SLC48A1: variants seen among roughly 807,000 people sequenced by gnomAD.
The protein encoded by SLC48A1 is heme transporter HRG1.
Under a neutral mutation model 14.8 loss-of-function variants are expected in SLC48A1, and 6 were observed. The ratio of observed to expected loss-of-function variants is 0.41; its 90% CI spans 0.22 to 0.80. The LOEUF is 0.80. SLC48A1 is among the 30% of genes least tolerant of loss of function. The pLI, the probability that SLC48A1 is intolerant of heterozygous loss-of-function variation, is 0.34. For missense variants in SLC48A1, 165 were observed against 204.8 expected (o/e 0.81, Z 1.19); for synonymous variants, 89 against 90.0 (o/e 0.99, Z 0.06).
At chr12:47,758,305 C>T, upstream of SLC48A1, 1 of 1,432,512 alleles carries the variant, frequency 7.0e-7, no homozygotes. Context: ...AAGATCAGGC[C>T]CTTCTTAGTC....
intron 1 of SLC48A1, chr12:47,758,730 C>T: frequency 7.4e-7 from 1 of 1,345,582 alleles, no homozygotes; most frequent in Non-Finnish European, 9.6e-7. Flanking sequence ...GGATGCAGGG[C>T]TCGGTGGAGA....
At chr12:47,757,081 C>T (rs1021277571), upstream of SLC48A1, among the ~76,000 whole-genome samples, 1 of 152,132 alleles carries the variant, frequency 6.6e-6, no homozygotes, top group Non-Finnish European at 1.5e-5. Flanking sequence ...ATTGCTTGGG[C>T]CTAGGAGTTC....
intron 1 of SLC48A1, chr12:47,758,953 G>C (rs1378001571): frequency 9.8e-7 from 1 of 1,016,642 alleles, no homozygotes; most frequent in Non-Finnish European, 1.2e-6. Flanking sequence ...GACTGGCGGA[G>C]GGGGCGGGGT....
chr12:47,758,690 T>G, intron 1 of SLC48A1: 5 of 1,371,572 alleles, frequency 3.6e-6, no homozygotes, highest in East Asian at 3.1e-5. Context: ...ACTGGGCCAG[T>G]GCCTAGCTGG....
chr12:47,781,858 G>C lies in SLC48A1; in HGVS notation c.*1577G>C, dbSNP rs1209534194. The C allele has an allele frequency of 1.3e-5, 2 of 152,602 alleles. No individual in the cohort carries two copies. The highest frequency in any genetic ancestry group is 4.8e-5 in the African/African-American group (2 of 41,434). 9.5% of individuals were successfully genotyped at this position (152,602 alleles called of 1,614,324 possible). A position where few individuals can be genotyped will look rare whatever the true frequency, so the allele number is the denominator to read the frequency against. On this transcript the variant is annotated 3_prime_UTR_variant, in exon 3 of 3. Coordinates refer to ENST00000442218, the MANE Select transcript of SLC48A1 (RefSeq NM_017842.3). ...TGGGGCTGCAGGCCCTCTTGCCTTG[G>C]CCCTCCTGGCATGGGGTAACCACCA...
At chr12:47,774,560 A>G (rs895092939) in intron 1 of SLC48A1, among the ~76,000 whole-genome samples, 4 of 152,218 alleles carry the variant, frequency 2.6e-5, no homozygotes, top group African/African-American at 9.7e-5. Flanking sequence ...TCCTCGGCCA[A>G]AAGAACCCTA....
intron 2 of SLC48A1, among the ~76,000 whole-genome samples, chr12:47,762,547 C>A (rs1333899963): frequency 1.3e-5 from 2 of 152,252 alleles, no homozygotes; most frequent in African/African-American, 2.4e-5. Flanking sequence ...ATCCCCACTG[C>A]AACTGTTCTA....
chr12:47,765,181 A>G (rs1942489746), intron 2 of SLC48A1, among the ~76,000 whole-genome samples: 1 of 151,648 alleles, frequency 6.6e-6, no homozygotes, highest in Non-Finnish European at 1.5e-5. Context: ...AGAGAGAGAA[A>G]CAGAAAAGTG....
upstream of SLC48A1, among the ~76,000 whole-genome samples, chr12:47,770,698 T>A (rs571417570): frequency 1.2e-4 from 18 of 152,342 alleles, no homozygotes; most frequent in South Asian, 2.7e-3. Context: ...CTGGCCATAG[T>A]TCTAAAACAC....
chr12:47,779,832 T>G (rs914855677), intron 2 of SLC48A1, among the ~76,000 whole-genome samples: 1 of 152,178 alleles, frequency 6.6e-6, no homozygotes, highest in Non-Finnish European at 1.5e-5. Context: ...GCAAACCCTG[T>G]TGTGAGGCGC....
intron 2 of SLC48A1, chr12:47,760,507 T>A (rs1592593118): frequency 1.5e-6 from 1 of 656,224 alleles, no homozygotes; most frequent in Non-Finnish European, 1.9e-6. Context: ...AGACTGGCAG[T>A]TGGGTCACAA....
upstream of SLC48A1, among the ~76,000 whole-genome samples, chr12:47,757,523 C>T (rs1461624799): frequency 2.0e-5 from 3 of 152,186 alleles, no homozygotes; most frequent in African/African-American, 7.2e-5. Context: ...AACCCATTGA[C>T]CCGGCCCCCA....
At chr12:47,779,393 AT>A (rs1246221795) in intron 2 of SLC48A1, among the ~76,000 whole-genome samples, 198 bp downstream of exon 2, 1 of 152,184 alleles carries the variant, frequency 6.6e-6, no homozygotes, top group East Asian at 1.9e-4. Context: ...TATGAAACTG[AT>A]GTGAAGTCTT....
chr12:47,776,060 C>G (rs904185574), intron 1 of SLC48A1, among the ~76,000 whole-genome samples: 6 of 152,208 alleles, frequency 3.9e-5, no homozygotes, highest in African/African-American at 1.4e-4. Context: ...GAGCTGTGAG[C>G]AAGAGCCCTG....
upstream of SLC48A1, chr12:47,758,490 G>T (rs1942238262): frequency 6.3e-7 from 1 of 1,589,528 alleles, no homozygotes; most frequent in East Asian, 2.2e-5. Flanking sequence ...ACTCCCCACC[G>T]TGTCAGCTTC....
upstream of SLC48A1, chr12:47,757,973 C>A (rs1289040772): frequency 2.6e-6 from 4 of 1,565,176 alleles, no homozygotes; most frequent in Non-Finnish European, 3.5e-6. Context: ...AGTAGTGTCC[C>A]CTCCGGCACC....
In SLC48A1 at chr12:47,782,077, T is replaced by A. The variant is rs1234759369; in HGVS notation, c.*1796T>A. 1.3e-5 allele frequency: 2 copies of A among 152,410 alleles called. No homozygotes were observed. The highest frequency in any genetic ancestry group is 3.9e-4 in the East Asian group (2 of 5,180). 9.4% of individuals were successfully genotyped at this position (152,410 alleles called of 1,614,324 possible). On this transcript the variant is annotated 3_prime_UTR_variant, in exon 3 of 3. Transcript: ENST00000442218. ...CCAGGAGCTTGGGCCAGGTCTAAGG[T>A]AATGAGGTGCTCCTCTTCCTGCTGG... is the stretch of plus-strand genomic sequence containing the variant.
upstream of SLC48A1, chr12:47,758,354 T>C (rs1942229120): frequency 6.8e-7 from 1 of 1,460,932 alleles, no homozygotes; most frequent in African/African-American, 1.4e-5. Context: ...CCCATGCCCC[T>C]GCAGGGATCT....
chr12:47,778,634 C>G (rs1024377977), intron 1 of SLC48A1: 8 of 166,566 alleles, frequency 4.8e-5, no homozygotes, highest in African/African-American at 1.9e-4. Context: ...AGTGAAACTC[C>G]ATGCAAATTT....
Sources: allele counts gnomAD v4.1 joint callset (sites outside exome capture counted in the v4.1 genomes callset), GRCh38; gene constraint gnomAD v4.1.1; transcripts MANE v1.5; gene names NCBI Gene and HGNC (gene_info 2026-07-23, HGNC 2026-07-21).